PPP2R2B: variants seen among roughly 807,000 people sequenced by gnomAD.
PPP2R2B encodes serine/threonine-protein phosphatase 2A 55 kDa regulatory subunit B beta isoform.
PPP2R2B carries 5 observed loss-of-function variants against 46.0 expected under a neutral mutation model. The ratio of observed to expected loss-of-function variants is 0.11; its 90% CI spans 0.06 to 0.23. The LOEUF is 0.23. PPP2R2B is among the 10% of genes least tolerant of loss of function. PPP2R2B has a pLI of 1.00. For missense variants in PPP2R2B, 367 were observed against 575.0 expected, an observed-to-expected ratio of 0.64 and a Z score of 3.70; for synonymous variants, 215 against 206.7, an observed-to-expected ratio of 1.04 and a Z score of -0.34.
At chr5:146,644,341 C>T (rs1279775436) in intron 6 of PPP2R2B, among the ~76,000 whole-genome samples, 1 of 150,452 alleles carries the variant, frequency 6.6e-6, no homozygotes, top group East Asian at 1.9e-4. Context: ...TTTTATTTCC[C>T]CCTGAACCCA....
chr5:146,638,375 C>T lies in PPP2R2B; in HGVS notation c.666G>A (p.Thr222=), dbSNP rs779770096. The change falls in exon 7 of 10, where the codon ACG becomes ACA. Residue 222 remains threonine (T), a synonymous_variant. Transcript: ENST00000394411. The part of the protein sequence containing the change: ...DIKPANMEEL[T]EVITAAEFHP... ...GGAACTCGGCTGCTGTGATCACCTC[C>T]GTGAGCTCCTCCATGTTGGCTGGCT... is the stretch of plus-strand genomic sequence containing the variant. 3.3e-5 allele frequency: 53 copies of T among 1,611,874 alleles called. No individual in the cohort carries two copies. Among genetic ancestry groups the T allele is most frequent in the Admixed American group, 2.2e-4 (13 of 59,968 alleles).
chr5:146,791,969 G>A (rs982516148), intron 2 of PPP2R2B, among the ~76,000 whole-genome samples: 1 of 152,180 alleles, frequency 6.6e-6, no homozygotes, highest in Admixed American at 6.5e-5. Context: ...ATAGGGAATA[G>A]ATTTAGGGAT....
chr5:146,928,271 T>C (rs1417923747), intron 1 of PPP2R2B, among the ~76,000 whole-genome samples: 1 of 151,860 alleles, frequency 6.6e-6, no homozygotes, highest in Non-Finnish European at 1.5e-5. Flanking sequence ...TTTTTAGGTT[T>C]ATATATATAT....
At chr5:146,630,291 C>G (rs1774340364) in intron 7 of PPP2R2B, among the ~76,000 whole-genome samples, 1 of 152,246 alleles carries the variant, frequency 6.6e-6, no homozygotes. Context: ...CCACATACCA[C>G]TACTTCCTGA....
intron 1 of PPP2R2B, among the ~76,000 whole-genome samples, chr5:146,997,799 G>A (rs1312650036): frequency 2.0e-5 from 3 of 152,080 alleles, no homozygotes; most frequent in South Asian, 2.1e-4. Context: ...AGACAAAGGA[G>A]GAAAGAAATT....
chr5:146,757,254 C>T (rs1037116334), intron 2 of PPP2R2B, among the ~76,000 whole-genome samples: 5 of 152,018 alleles, frequency 3.3e-5, no homozygotes, highest in Non-Finnish European at 7.4e-5. Flanking sequence ...AGGGAAGCCA[C>T]AGAAGGTTTA....
intron 1 of PPP2R2B, among the ~76,000 whole-genome samples, chr5:146,941,646 A>G (rs968233172): frequency 6.6e-6 from 1 of 152,170 alleles, no homozygotes; most frequent in Non-Finnish European, 1.5e-5. Context: ...AATTAATTCA[A>G]TTTCAGATTA....
intron 7 of PPP2R2B, among the ~76,000 whole-genome samples, chr5:146,619,501 C>T (rs1394265312): frequency 6.6e-6 from 1 of 152,206 alleles, no homozygotes; most frequent in South Asian, 2.1e-4. Context: ...CATAAAGGGG[C>T]AATTTCCACT....
chr5:146,623,852 T>G (rs1773864892), intron 7 of PPP2R2B, among the ~76,000 whole-genome samples: 1 of 152,182 alleles, frequency 6.6e-6, no homozygotes, highest in Non-Finnish European at 1.5e-5. Context: ...CTGATGGGGC[T>G]GGAAGCTGCT....
intron 2 of PPP2R2B, among the ~76,000 whole-genome samples, chr5:146,785,819 T>TA (rs951980278): frequency 6.6e-6 from 1 of 152,070 alleles, no homozygotes; most frequent in African/African-American, 2.4e-5. Flanking sequence ...ACATGGGAGC[T>TA]AAAAAAGTTG....
chr5:147,070,920 G>A (rs189270146), intron 2 of PPP2R2B, among the ~76,000 whole-genome samples: 84 of 152,184 alleles, frequency 5.5e-4, no homozygotes, highest in Middle Eastern at 3.4e-3. Flanking sequence ...CTGCTGTGAA[G>A]TGGAGATTGC....
intron 1 of PPP2R2B, among the ~76,000 whole-genome samples, chr5:146,994,182 C>T (rs1188165519): frequency 6.6e-6 from 1 of 152,130 alleles, no homozygotes; most frequent in African/African-American, 2.4e-5. Context: ...GCAGGCTTTT[C>T]CTACACCATA....
intron 2 of PPP2R2B, among the ~76,000 whole-genome samples, chr5:146,872,040 T>C (rs1316859136): frequency 6.6e-6 from 1 of 152,200 alleles, no homozygotes; most frequent in Non-Finnish European, 1.5e-5. Flanking sequence ...CTATTTCTTC[T>C]TAAATGCAAA....
intron 2 of PPP2R2B, among the ~76,000 whole-genome samples, chr5:146,742,278 G>C (rs1242171115): frequency 6.6e-6 from 1 of 152,074 alleles, no homozygotes; most frequent in Non-Finnish European, 1.5e-5. Context: ...CTCTGATGCA[G>C]GGGACTCCAC....
At chr5:146,799,873 T>C (rs1258433217) in intron 2 of PPP2R2B, among the ~76,000 whole-genome samples, 2 of 152,196 alleles carry the variant, frequency 1.3e-5, no homozygotes, top group African/African-American at 4.8e-5. Context: ...AGATGCACAA[T>C]GATCCATAGT....
At chr5:146,909,087 A>C (rs976808062) in intron 1 of PPP2R2B, among the ~76,000 whole-genome samples, 2 of 152,224 alleles carry the variant, frequency 1.3e-5, no homozygotes, top group Non-Finnish European at 2.9e-5. Flanking sequence ...CCTGCAGCTA[A>C]GAGAGGGCAG....
rs1352676824 is a variant in PPP2R2B, at chr5:147,015,068, A to C, written c.79+40597T>G. 3.3e-5 allele frequency among the ~76,000 whole-genome samples: 5 copies of C among 152,024 alleles called. No homozygotes were observed. The East Asian group carries it at 9.7e-4, about 29-fold the overall frequency. On this transcript the variant is annotated intron_variant, in intron 1 of 8. Transcript: ENST00000336640. Reference sequence around the variant, plus strand: ...ACCTGTATATAGCAGGTAATTTGTTAATTGTCTTCCAACTAGAAGAACTCC... The same window carrying C: ...ACCTGTATATAGCAGGTAATTTGTTCATTGTCTTCCAACTAGAAGAACTCC...
intron 1 of PPP2R2B, among the ~76,000 whole-genome samples, chr5:147,015,607 A>G (rs577796256): frequency 1.3e-5 from 2 of 151,726 alleles, no homozygotes; most frequent in African/African-American, 2.4e-5. Context: ...CTCTCATAAC[A>G]CAACACAGTA....
intron 1 of PPP2R2B, among the ~76,000 whole-genome samples, chr5:146,971,870 T>G (rs979323630): frequency 6.6e-6 from 1 of 152,232 alleles, no homozygotes; most frequent in African/African-American, 2.4e-5. Flanking sequence ...GGAAAATCCC[T>G]GTATATTCCT....
Sources: gnomAD v4.1 joint callset for allele counts (sites outside exome capture counted in the v4.1 genomes callset) on GRCh38, gnomAD v4.1.1 for gene constraint, MANE v1.5 for transcripts, NCBI Gene and HGNC (gene_info 2026-07-23, HGNC 2026-07-21) for gene names.